ZNF75D: variants seen among roughly 807,000 people sequenced by gnomAD.
ZNF75D encodes the protein zinc finger protein 75D, also known as zinc finger protein 75.
A neutral mutation model predicts 33.3 loss-of-function variants in ZNF75D; 33 were observed. The observed-to-expected ratio is 0.99, with a 90% CI of 0.75 to 1.32. The LOEUF (loss-of-function observed/expected upper bound fraction) is 1.32, where lower values mean the gene tolerates loss of function less well. Among genes scored for constraint, ZNF75D ranks in the 40% most tolerant of loss-of-function variants. The probability of loss-of-function intolerance (pLI) is 0.00; values close to 1 mark genes in which losing one functional copy is unlikely to be tolerated. For missense variants in ZNF75D, 338 were observed against 367.5 expected, an observed-to-expected ratio of 0.92 and a Z score of 0.66; for synonymous variants, 113 against 130.6, an observed-to-expected ratio of 0.87 and a Z score of 0.92.
chrX:135,257,983 C>T (rs782075924), intron 1 of ZNF75D, among the ~76,000 whole-genome samples: 1 of 108,792 alleles, frequency 9.2e-6, no homozygotes, highest in Admixed American at 1.0e-4. Flanking sequence ...ACCCAACAGG[C>T]CCTGGTGTGT....
At chrX:135,314,628 G>A (rs935336049) in intron 1 of ZNF75D, among the ~76,000 whole-genome samples, 4 of 111,366 alleles carry the variant, frequency 3.6e-5, no homozygotes, top group Non-Finnish European at 7.6e-5. Flanking sequence ...TTTGTTGGGA[G>A]ATTTTTTACT....
intron 1 of ZNF75D, among the ~76,000 whole-genome samples, chrX:135,256,506 C>T (rs1231379981): frequency 8.9e-6 from 1 of 112,044 alleles, no homozygotes; most frequent in Non-Finnish European, 1.9e-5. Context: ...TCTCAAGCCT[C>T]GCCACTGTGG....
intron 1 of ZNF75D, among the ~76,000 whole-genome samples, chrX:135,265,251 A>G (rs1249529896): frequency 4.5e-5 from 5 of 111,320 alleles, no homozygotes; most frequent in Admixed American, 9.6e-5. Context: ...TTGGCCTTAA[A>G]GAGGATGTAG....
At chrX:135,272,982 A>G (rs1472114558) in intron 1 of ZNF75D, among the ~76,000 whole-genome samples, 1 of 111,594 alleles carries the variant, frequency 9.0e-6, no homozygotes, top group African/African-American at 3.3e-5. Context: ...TTCATTTTCA[A>G]TACATCTCTG....
intron 1 of ZNF75D, among the ~76,000 whole-genome samples, chrX:135,324,281 T>C (rs1556436334): frequency 8.9e-6 from 1 of 112,013 alleles, no homozygotes; most frequent in African/African-American, 3.3e-5. Context: ...GTGTCAGCAA[T>C]GGAACTTGGA....
chrX:135,257,521 C>T (rs148631394), intron 1 of ZNF75D, among the ~76,000 whole-genome samples: 5 of 113,176 alleles, frequency 4.4e-5, no homozygotes, highest in Admixed American at 2.8e-4. Context: ...AGGTAAATTG[C>T]GAAGGTATTT....
At chrX:135,301,637 A>G (rs782344454) in intron 1 of ZNF75D, among the ~76,000 whole-genome samples, 39 of 112,216 alleles carry the variant, frequency 3.5e-4, no homozygotes, top group Non-Finnish European at 4.5e-4. Context: ...AAGCTCTGAA[A>G]TAATCTCCTT....
intron 1 of ZNF75D, among the ~76,000 whole-genome samples, chrX:135,320,679 C>G (rs1556433938): frequency 8.9e-6 from 1 of 111,967 alleles, no homozygotes; most frequent in Non-Finnish European, 1.9e-5. Context: ...TCAAAATCTT[C>G]ACTTTTTTTC....
At chrX:135,291,698 G>T in intron 4 of ZNF75D, 135 bp from the exon 5 acceptor site, 1 of 897,880 alleles carries the variant, frequency 1.1e-6, no homozygotes, top group Non-Finnish European at 1.5e-6. Context: ...GTGGTGCCAA[G>T]AAGTGGCCAT....
At chrX:135,318,983 C>A (rs1317962822) in intron 1 of ZNF75D, among the ~76,000 whole-genome samples, 1 of 111,777 alleles carries the variant, frequency 8.9e-6, no homozygotes, top group Non-Finnish European at 1.9e-5. Flanking sequence ...GTCATTCTGT[C>A]CAACAGACTC....
intron 1 of ZNF75D, among the ~76,000 whole-genome samples, chrX:135,296,578 C>T (rs2084133320): frequency 8.9e-6 from 1 of 112,092 alleles, no homozygotes; most frequent in African/African-American, 3.2e-5. Context: ...TCAAAAGCCT[C>T]CTTGAGTAAA....
intron 1 of ZNF75D, among the ~76,000 whole-genome samples, chrX:135,278,528 A>G (rs2083908243): frequency 1.8e-5 from 2 of 111,713 alleles, no homozygotes; most frequent in South Asian, 7.5e-4. Context: ...TACTATGTTG[A>G]ATAGGAGTGG....
At chrX:135,271,314 C>A (rs1282396945) in intron 1 of ZNF75D, among the ~76,000 whole-genome samples, 1 of 111,939 alleles carries the variant, frequency 8.9e-6, no homozygotes, top group Non-Finnish European at 1.9e-5. Context: ...GCTCTCATAG[C>A]ATGACTAATA....
At chrX:135,299,018 GT>G (rs2084175214) in intron 1 of ZNF75D, among the ~76,000 whole-genome samples, 1 of 111,469 alleles carries the variant, frequency 9.0e-6, no homozygotes, top group Non-Finnish European at 1.9e-5. Context: ...ATGACATTTT[GT>G]TTATCCATTC....
chrX:135,262,527 C>G (rs2083846839), intron 1 of ZNF75D, among the ~76,000 whole-genome samples: 1 of 111,623 alleles, frequency 9.0e-6, no homozygotes, highest in Non-Finnish European at 1.9e-5. Flanking sequence ...TGTCTTCTTG[C>G]TTTGTTTCAT....
chrX:135,278,667 T>C (rs1926145459), intron 1 of ZNF75D, among the ~76,000 whole-genome samples: 1 of 112,165 alleles, frequency 8.9e-6, no homozygotes, highest in Non-Finnish European at 1.9e-5. Context: ...GTTCCATCAA[T>C]ACTTAAGTTT....
chrX:135,337,373 T>C (rs781884625), intron 1 of ZNF75D, among the ~76,000 whole-genome samples: 12 of 112,245 alleles, frequency 1.1e-4, no homozygotes, highest in Middle Eastern at 4.6e-3. Flanking sequence ...TTTAGTTTCA[T>C]AATTTCATAA....
At chrX:135,280,872 G>A (rs2083917638), downstream of ZNF75D, among the ~76,000 whole-genome samples, 1 of 111,898 alleles carries the variant, frequency 8.9e-6, no homozygotes, top group African/African-American at 3.2e-5. Context: ...TAGTCTGATG[G>A]GCTTCCCTTT....
At chrX:135,327,158 G>A (rs1312417935) in intron 1 of ZNF75D, among the ~76,000 whole-genome samples, 1 of 112,531 alleles carries the variant, frequency 8.9e-6, no homozygotes, top group Non-Finnish European at 1.9e-5. Context: ...ATGTCTGTAT[G>A]TAATGATGTT....
Sources: gnomAD v4.1 joint callset for allele counts (sites outside exome capture counted in the v4.1 genomes callset) on GRCh38, gnomAD v4.1.1 for gene constraint, MANE v1.5 for transcripts, NCBI Gene and HGNC (gene_info 2026-07-23, HGNC 2026-07-21) for gene names.